PARVA: variants seen among roughly 807,000 people sequenced by gnomAD.
PARVA encodes the protein alpha-parvin.
PARVA carries 25 observed loss-of-function variants against 52.6 expected under a neutral mutation model. The observed-to-expected ratio is 0.48, with a 90% CI of 0.35 to 0.66. The LOEUF is 0.66. Among genes scored for constraint, PARVA ranks in the 30% least tolerant of loss-of-function variants. The pLI, the probability that PARVA is intolerant of heterozygous loss-of-function variation, is 0.01. For synonymous variants in PARVA, 185 were observed against 179.1 expected, an observed-to-expected ratio of 1.03 and a Z score of -0.26; for missense variants, 373 against 450.9, an observed-to-expected ratio of 0.83 and a Z score of 1.56.
At chr11:12,526,035 T>G (rs905442997) in intron 12 of PARVA, among the ~76,000 whole-genome samples, 1 of 151,700 alleles carries the variant, frequency 6.6e-6, no homozygotes, top group South Asian at 2.1e-4. Context: ...AAATACAGAG[T>G]GATATAACGG....
At chr11:12,507,949 G>A (rs1941452497) in intron 6 of PARVA, among the ~76,000 whole-genome samples, 1 of 151,906 alleles carries the variant, frequency 6.6e-6, no homozygotes, top group Non-Finnish European at 1.5e-5. Flanking sequence ...AAGAGGATAA[G>A]TTGATGGGAG....
chr11:12,409,132 T>G (rs1397652790), intron 1 of PARVA, among the ~76,000 whole-genome samples: 1 of 152,232 alleles, frequency 6.6e-6, no homozygotes, highest in Non-Finnish European at 1.5e-5. Flanking sequence ...TTAGAGGATT[T>G]TAGCAAGTGA....
At chr11:12,390,205 A>AC (rs976682170) in intron 1 of PARVA, among the ~76,000 whole-genome samples, 1 of 152,206 alleles carries the variant, frequency 6.6e-6, no homozygotes, top group African/African-American at 2.4e-5. Context: ...GCAGTATTAC[A>AC]TTGACTTTCC....
intron 1 of PARVA, among the ~76,000 whole-genome samples, chr11:12,397,988 C>T (rs1939774749): frequency 6.6e-6 from 1 of 152,240 alleles, no homozygotes; most frequent in East Asian, 1.9e-4. Flanking sequence ...CCAGCACGGG[C>T]CTCTCTGCCC....
chr11:12,443,233 G>A (rs2135006165), intron 1 of PARVA, among the ~76,000 whole-genome samples: 1 of 139,852 alleles, frequency 7.2e-6, no homozygotes, highest in Admixed American at 8.0e-5. Flanking sequence ...GTGCAGTGGT[G>A]CAATCTCAGC....
At chr11:12,416,704 G>A (rs1589949525) in intron 1 of PARVA, among the ~76,000 whole-genome samples, 1 of 151,786 alleles carries the variant, frequency 6.6e-6, no homozygotes, top group Non-Finnish European at 1.5e-5. Context: ...TACAAAGAAA[G>A]GGAGAGGAGG....
chr11:12,527,273 G>T (rs1259464656), intron 12 of PARVA, among the ~76,000 whole-genome samples: 2 of 130,846 alleles, frequency 1.5e-5, no homozygotes, highest in Non-Finnish European at 3.4e-5. Context: ...ATAGAGGGAG[G>T]GAAGGAGGAT....
chr11:12,474,603 C>T (rs1239366612), intron 3 of PARVA, among the ~76,000 whole-genome samples: 1 of 152,078 alleles, frequency 6.6e-6, no homozygotes, highest in African/African-American at 2.4e-5. Flanking sequence ...GAGGCCAAGG[C>T]GGGCGGATCA....
intron 9 of PARVA, chr11:12,513,585 C>G: frequency 3.0e-6 from 2 of 674,354 alleles, no homozygotes; most frequent in East Asian, 2.8e-5. Flanking sequence ...TGTCTTCCCA[C>G]CCAGGCTAAC....
intron 7 of PARVA, among the ~76,000 whole-genome samples, chr11:12,509,655 C>T (rs753992443): frequency 6.6e-5 from 10 of 152,284 alleles, no homozygotes; most frequent in Non-Finnish European, 8.8e-5. Context: ...CATTCCAGGC[C>T]GAGACTAGGG....
chr11:12,529,233 G>C lies in PARVA; in HGVS notation c.*1308G>C, dbSNP rs1941742283. ...CTTTGCGTGGGTTACTCAAGGGCTTGTGGTTACTTGTATCTCCTCTATGTG... is the reference window on the plus strand; with the variant it reads ...CTTTGCGTGGGTTACTCAAGGGCTTCTGGTTACTTGTATCTCCTCTATGTG... On this transcript the variant is annotated 3_prime_UTR_variant, in exon 13 of 13. Transcript: ENST00000334956. 1 of 152,218 alleles carries C rather than the reference G, an allele frequency of 6.6e-6. No individual in the cohort carries two copies. Among genetic ancestry groups the C allele is most frequent in the Non-Finnish European group, 1.5e-5 (1 of 68,044 alleles). 9.4% of individuals were successfully genotyped at this position (152,218 alleles called of 1,614,324 possible).
At chr11:12,505,179 T>C (rs1941419086) in intron 6 of PARVA, among the ~76,000 whole-genome samples, 1 of 152,162 alleles carries the variant, frequency 6.6e-6, no homozygotes, top group Non-Finnish European at 1.5e-5. Flanking sequence ...TAGCAAAAGG[T>C]CATCCTTTTG....
rs1159257781 is a variant in PARVA, at chr11:12,533,290, T to C, written c.*5365T>C. On this transcript the variant is annotated 3_prime_UTR_variant, in exon 13 of 13. Transcript: ENST00000334956. ...GACCAGTGCTTCCAGCCCTCTCACC[T>C]CGGAGGAGGACTCCTGTTTTACCAA... 6.6e-6 allele frequency among the ~76,000 whole-genome samples: 1 copy of C among 152,186 alleles called. No individual in the cohort carries two copies. Among genetic ancestry groups the C allele is most frequent in the Non-Finnish European group, 1.5e-5 (1 of 68,030 alleles).
chr11:12,386,870 G>T (rs1939578990), intron 1 of PARVA, among the ~76,000 whole-genome samples: 1 of 152,164 alleles, frequency 6.6e-6, no homozygotes. Context: ...TCATCACAAA[G>T]ACCTCTTTCT....
intron 1 of PARVA, among the ~76,000 whole-genome samples, chr11:12,394,310 C>T (rs944430273): frequency 6.6e-6 from 1 of 152,102 alleles, no homozygotes; most frequent in Non-Finnish European, 1.5e-5. Flanking sequence ...AAAGTCAAAA[C>T]CCAGCTAGTT....
intron 12 of PARVA, among the ~76,000 whole-genome samples, chr11:12,524,462 T>C (rs1228821951): frequency 1.3e-5 from 2 of 152,204 alleles, no homozygotes; most frequent in Admixed American, 1.3e-4. Flanking sequence ...CTCACCCACC[T>C]TTCAAAAGGG....
chr11:12,508,921 A>C (rs1462077221), intron 7 of PARVA, among the ~76,000 whole-genome samples: 2 of 152,058 alleles, frequency 1.3e-5, no homozygotes, highest in Non-Finnish European at 2.9e-5. Flanking sequence ...AAAAAAGCCA[A>C]CCCAGCATGA....
Position 12,403,106 on chromosome 11 carries a change from G to A in PARVA, c.136+25323G>A, listed in dbSNP as rs936549118. On this transcript the variant is annotated intron_variant, in intron 1 of 12. Coordinates refer to ENST00000334956, the MANE Select transcript of PARVA (RefSeq NM_018222.5). Reference sequence around the variant, plus strand: ...CACAGGGGCCAGCACAGGGCAGCTCGAAGGGCCTGTCCCCTCTTCTCAGTC... The same window carrying A: ...CACAGGGGCCAGCACAGGGCAGCTCAAAGGGCCTGTCCCCTCTTCTCAGTC... 5.3e-5 allele frequency among the ~76,000 whole-genome samples: 8 copies of A among 152,198 alleles called. No individual in the cohort carries two copies. In the South Asian group the frequency reaches 6.2e-4, roughly 12 times the overall value.
At chr11:12,382,380 T>C (rs1294838098) in intron 1 of PARVA, among the ~76,000 whole-genome samples, 3 of 144,064 alleles carry the variant, frequency 2.1e-5, no homozygotes, top group Non-Finnish European at 4.5e-5. Flanking sequence ...AGTAACTTTT[T>C]CTTTTTTTTT....
Sources: gnomAD v4.1 joint callset for allele counts (sites outside exome capture counted in the v4.1 genomes callset) on GRCh38, gnomAD v4.1.1 for gene constraint, MANE v1.5 for transcripts, NCBI Gene and HGNC (gene_info 2026-07-23, HGNC 2026-07-21) for gene names.